DNAH10: variants seen among roughly 807,000 people sequenced by gnomAD.
DNAH10 encodes dynein axonemal heavy chain 10, also known as axonemal beta dynein heavy chain 10.
A neutral mutation model predicts 506.6 loss-of-function variants in DNAH10; 348 were observed. That is an observed-to-expected ratio of 0.69 (90% CI 0.63 to 0.75). The LOEUF (loss-of-function observed/expected upper bound fraction) is 0.75, where lower values mean the gene tolerates loss of function less well. DNAH10 is among the 30% of genes least tolerant of loss of function. The pLI is 0.00. For missense variants in DNAH10, 5,179 were observed against 5,787.1 expected (o/e 0.89, Z 3.41); for synonymous variants, 2,059 against 2,198.6 (o/e 0.94, Z 1.78).
rs550713101 is a variant in DNAH10, at chr12:123,884,779, C to T, written c.8824-2363C>T. ...TATTGTTATGGACTCACTCATTTCT[C>T]TCCCTCTAAATGGAATAATCCTCAC... On this transcript the variant is annotated intron_variant, in intron 51 of 78. Transcript: ENST00000673944. 2.0e-5 allele frequency among the ~76,000 whole-genome samples: 3 copies of T among 152,270 alleles called. No individual in the cohort carries two copies. In the South Asian group the frequency reaches 6.2e-4, roughly 32 times the overall value.
intron 74 of DNAH10, 76 bp downstream of exon 74, chr12:123,931,548 T>C: frequency 6.2e-7 from 1 of 1,606,380 alleles, no homozygotes; most frequent in South Asian, 1.1e-5. Context: ...CCCACGTTGC[T>C]GATGCCTTTC....
intron 39 of DNAH10, 126 bp downstream of exon 39, chr12:123,861,296 C>A: frequency 8.0e-7 from 1 of 1,244,770 alleles, no homozygotes; most frequent in South Asian, 1.6e-5. Context: ...AGAGTCCAGT[C>A]TTGGAGGCTG....
At chr12:123,780,205 C>T (rs969842467) in intron 5 of DNAH10, among the ~76,000 whole-genome samples, 5 of 149,112 alleles carry the variant, frequency 3.4e-5, no homozygotes, top group African/African-American at 1.2e-4. Context: ...CTTGCTCTAT[C>T]GCCCAGGTTG....
At chr12:123,865,304 G>A (rs771506132) in intron 40 of DNAH10, among the ~76,000 whole-genome samples, 5 of 148,510 alleles carry the variant, frequency 3.4e-5, no homozygotes, top group African/African-American at 1.0e-4. Context: ...GTATTCTGTC[G>A]AGCCCCTTTA....
At position 123,830,642 on chromosome 12, in the gene DNAH10, C is replaced by T. The variant is rs1169966631; in HGVS notation, c.4488C>T (p.His1496=). Residue 1496 remains histidine, a synonymous_variant, in exon 26 of 79, where the codon CAC becomes CAT. Coordinates refer to ENST00000673944, the MANE Select transcript of DNAH10 (RefSeq NM_001372106.1). ...TGTTTGCTATGGAACTGCACAAACA[C>T]ACAGATGTTCTCAATGAGATTGTCA... ...ENMFAMELHK[H]TDVLNEIVTA... The T allele has an allele frequency of 1.9e-6, 3 of 1,613,658 alleles. No homozygotes were observed. Among genetic ancestry groups the T allele is most frequent in the Non-Finnish European group, 2.5e-6 (3 of 1,179,818 alleles).
At position 123,876,212 on chromosome 12, in the gene DNAH10, C is replaced by CT. The variant is rs1033040380; in HGVS notation, c.8199+722dup. 8.5e-4 allele frequency among the ~76,000 whole-genome samples: 130 copies of CT among 152,312 alleles called. 1 individual carries two copies. The highest frequency in any genetic ancestry group is 3.0e-3 in the African/African-American group (125 of 41,570). ...AGCACCTGGCCCGTTCATGCCCTACCTGAAGGCATTTGCTTTCAAAACGGT... is the reference window on the plus strand; with the variant it reads ...AGCACCTGGCCCGTTCATGCCCTACCTTGAAGGCATTTGCTTTCAAAACGGT... On this transcript the variant is annotated intron_variant, in intron 47 of 78. Coordinates refer to ENST00000673944, the MANE Select transcript of DNAH10 (RefSeq NM_001372106.1).
chr12:123,926,414 G>C lies in DNAH10; in HGVS notation c.11922-223G>C. The stretch of plus-strand genomic sequence containing the variant: ...TCAGCACAAACCAACTGAATCGAGT[G>C]TGAGGGGGTACAGAGAAGTCCCTGC... On this transcript the variant is annotated intron_variant, in intron 68 of 78. Transcript: ENST00000673944. The surrounding 1 kb of genome is among the most constrained non-coding windows in gnomAD (Gnocchi z 4.1). 1 of 524,446 alleles carries C rather than the reference G, an allele frequency of 1.9e-6. No individual in the cohort carries two copies. The allele number at this position is 524,446 out of a possible 1,614,324, so 32.5% of individuals were successfully genotyped here. A position where few individuals can be genotyped will look rare whatever the true frequency, so the allele number is the denominator to read the frequency against.
chr12:123,795,146 C>CA (rs59542170), intron 12 of DNAH10, among the ~76,000 whole-genome samples: 77,244 of 112,178 alleles, frequency 0.69, 25,694 homozygotes, highest in East Asian at 0.92. Context: ...AACTTCGTCT[C>CA]AAAAAAAAAA....
rs868705110 is a variant in DNAH10 at position 123,909,174 on chromosome 12, T to C, written c.9816-87T>C. On this transcript the variant is annotated intron_variant, in intron 57 of 78. Transcript: ENST00000673944. The surrounding 1 kb of genome is among the most constrained non-coding windows in gnomAD (Gnocchi z 5.4). Reference sequence around the variant, plus strand: ...AGTAGCTCCAGGGACTGTCTTTTGGTTGAGCTCGTTTTTCTGGAGCTCTCT... The same window carrying C: ...AGTAGCTCCAGGGACTGTCTTTTGGCTGAGCTCGTTTTTCTGGAGCTCTCT... 3 of 1,520,424 alleles carry C rather than the reference T, an allele frequency of 2.0e-6. No individual in the cohort carries two copies. Among genetic ancestry groups the C allele is most frequent in the Middle Eastern group, 2.3e-4 (1 of 4,332 alleles). 94.2% of individuals were successfully genotyped at this position (1,520,424 alleles called of 1,614,324 possible). A position where few individuals can be genotyped will look rare whatever the true frequency, so the allele number is the denominator to read the frequency against.
chr12:123,797,497 A>T (rs964978191), intron 13 of DNAH10, among the ~76,000 whole-genome samples: 1 of 151,122 alleles, frequency 6.6e-6, no homozygotes, highest in African/African-American at 2.4e-5. Flanking sequence ...GGTTTAAGCG[A>T]TCCTCCTGCC....
chr12:123,930,640 C>CGGCTCCTCTCCTGGTGGG, intron 73 of DNAH10, 67 bp downstream of exon 73: 5 of 1,548,728 alleles, frequency 3.2e-6, no homozygotes, highest in South Asian at 1.2e-5. Flanking sequence ...ACATTTCAAC[C>CGGCTCCTCTCCTGGTGGG]GGCTCCTCTC....
intron 36 of DNAH10, among the ~76,000 whole-genome samples, chr12:123,854,698 A>G (rs890236596): frequency 1.3e-5 from 2 of 152,222 alleles, no homozygotes; most frequent in Non-Finnish European, 1.5e-5. Context: ...GTTTCTTCAC[A>G]TAGGAAATTA....
At chr12:123,883,910 TCTCAGATG>T (rs1952616971) in intron 51 of DNAH10, among the ~76,000 whole-genome samples, 2 of 152,104 alleles carry the variant, frequency 1.3e-5, no homozygotes, top group Non-Finnish European at 2.9e-5. Flanking sequence ...CCTCAGTTCT[TCTCAGATG>T]CTCAGCCACC....
intron 38 of DNAH10, 67 bp from the exon 39 acceptor site, chr12:123,860,945 G>A (rs962946229): frequency 1.2e-6 from 2 of 1,607,170 alleles, no homozygotes; most frequent in Non-Finnish European, 1.7e-6. Flanking sequence ...CTCATAGAGG[G>A]AACCCAGACT....
chr12:123,798,803 T>C (rs1326959128), intron 13 of DNAH10, among the ~76,000 whole-genome samples: 4 of 148,870 alleles, frequency 2.7e-5, no homozygotes, highest in African/African-American at 4.9e-5. Context: ...AAAAAATGTT[T>C]ATATATAATT....
chr12:123,843,171 C>T (rs1302446906), intron 30 of DNAH10, among the ~76,000 whole-genome samples: 1 of 152,188 alleles, frequency 6.6e-6, no homozygotes, highest in Non-Finnish European at 1.5e-5. Context: ...TTTTTCTCAT[C>T]CAGATGCTCC....
At chr12:123,820,188 A>G (rs183319249) in intron 23 of DNAH10, among the ~76,000 whole-genome samples, 116 of 152,316 alleles carry the variant, frequency 7.6e-4, no homozygotes, top group African/African-American at 2.6e-3. Context: ...GTAGTGACCT[A>G]GAGTGGTAGT....
intron 17 of DNAH10, among the ~76,000 whole-genome samples, chr12:123,804,527 C>CAAA (rs1283454178): frequency 2.5e-5 from 2 of 78,870 alleles, no homozygotes; most frequent in African/African-American, 4.5e-5. Context: ...GACTCCGTCT[C>CAAA]AAAAAAAAAA....
intron 5 of DNAH10, among the ~76,000 whole-genome samples, chr12:123,777,878 G>A (rs1032969398): frequency 7.2e-5 from 11 of 151,918 alleles, no homozygotes; most frequent in Non-Finnish European, 7.4e-5. Flanking sequence ...GCCAAGGCTG[G>A]TCTCAAACTC....
Sources: gnomAD v4.1 joint callset for allele counts (sites outside exome capture counted in the v4.1 genomes callset) on GRCh38, gnomAD v4.1.1 for gene constraint, Gnocchi (gnomAD v3.1) non-coding constraint, MANE v1.5 for transcripts, NCBI Gene and HGNC (gene_info 2026-07-23, HGNC 2026-07-21) for gene names.